Variants in ZYG11B observed in about 807,000 individuals in gnomAD.
ZYG11B encodes protein zyg-11 homolog B.
In ZYG11B, 36 loss-of-function variants were observed where a neutral mutation model predicts 82.4. The observed-to-expected ratio is 0.44, with a 90% CI of 0.33 to 0.58. ZYG11B has a LOEUF of 0.58. Ranked by LOEUF, ZYG11B falls within the 20% of genes least tolerant of loss-of-function variation. The pLI is 0.02. For missense variants in ZYG11B, 552 were observed against 895.6 expected (o/e 0.62, Z 4.90); for synonymous variants, 303 against 312.8 (o/e 0.97, Z 0.33).
In ZYG11B at chr1:52,825,413, C is replaced by A. The variant is rs1645316539; in HGVS notation, c.*3784C>A. Reference sequence around the variant, plus strand: ...TGAGTATAAATATTGCTTCTTGTCACCCTGGGACAGTAATGCCTTATAGTG... The same window carrying A: ...TGAGTATAAATATTGCTTCTTGTCAACCTGGGACAGTAATGCCTTATAGTG... On this transcript the variant is annotated 3_prime_UTR_variant, in exon 14 of 14. Coordinates refer to ENST00000294353, the MANE Select transcript of ZYG11B (RefSeq NM_024646.3). 6.6e-6 allele frequency: 1 copy of A among 152,050 alleles called. No homozygotes were observed. Among genetic ancestry groups the A allele is most frequent in the African/African-American group, 2.4e-5 (1 of 41,388 alleles). 9.4% of individuals were successfully genotyped at this position (152,050 alleles called of 1,614,324 possible). A position where few individuals can be genotyped will look rare whatever the true frequency, so the allele number is the denominator to read the frequency against.
chr1:52,804,653 A>G (rs887879110), intron 10 of ZYG11B, among the ~76,000 whole-genome samples: 1 of 151,956 alleles, frequency 6.6e-6, no homozygotes, highest in African/African-American at 2.4e-5. Flanking sequence ...CAAATCACAT[A>G]TTTCTTAACA....
At chr1:52,802,338 C>CTTTTTTTTT (rs1645082114) in intron 10 of ZYG11B, among the ~76,000 whole-genome samples, 199 bp downstream of exon 10, 1 of 131,854 alleles carries the variant, frequency 7.6e-6, no homozygotes, top group African/African-American at 3.1e-5. Flanking sequence ...CTTTCTTTCT[C>CTTTTTTTTT]TCTTTTTTTT....
chr1:52,785,135 G>C (rs1292668269), intron 5 of ZYG11B, 82 bp downstream of exon 5: 10 of 1,442,918 alleles, frequency 6.9e-6, no homozygotes, highest in Non-Finnish European at 9.3e-6. Flanking sequence ...ATAGACCAAG[G>C]CTGGAAATTC....
At chr1:52,788,660 T>C (rs1447759202) in intron 5 of ZYG11B, among the ~76,000 whole-genome samples, 1 of 151,898 alleles carries the variant, frequency 6.6e-6, no homozygotes, top group Admixed American at 6.6e-5. Context: ...GTGCCAGGAG[T>C]TTGAGGCTGC....
chr1:52,728,495 C>G (rs1644303295), intron 1 of ZYG11B, among the ~76,000 whole-genome samples: 1 of 152,188 alleles, frequency 6.6e-6, no homozygotes, highest in African/African-American at 2.4e-5. Context: ...TGGATTCAAG[C>G]CATCCTCCCA....
intron 1 of ZYG11B, among the ~76,000 whole-genome samples, chr1:52,752,635 C>G (rs1460406550): frequency 2.0e-5 from 3 of 152,130 alleles, no homozygotes; most frequent in African/African-American, 7.2e-5. Context: ...GTTCATTGGT[C>G]AGAAGTACAA....
intron 2 of ZYG11B, among the ~76,000 whole-genome samples, chr1:52,760,919 T>C (rs993555246): frequency 3.8e-4 from 57 of 151,864 alleles, no homozygotes; most frequent in African/African-American, 1.3e-3. Flanking sequence ...CCTGACACTA[T>C]GCACAGCTAA....
At chr1:52,767,556 G>T (rs1644708636) in intron 2 of ZYG11B, among the ~76,000 whole-genome samples, 1 of 152,062 alleles carries the variant, frequency 6.6e-6, no homozygotes, top group Non-Finnish European at 1.5e-5. Context: ...ATCCGCCTCG[G>T]CCTCCCAAAG....
chr1:52,821,791 A>T lies in ZYG11B; in HGVS notation c.*162A>T, dbSNP rs531866169. On this transcript the variant is annotated 3_prime_UTR_variant, in exon 14 of 14. Transcript: ENST00000294353. ...GTACTGCCCATGTGAACAGTCTCTA[A>T]TTTGTCTTGTGATTTTAAACTTATG... 1.4e-4 allele frequency: 74 copies of T among 534,742 alleles called. 1 individual carries two copies. Among genetic ancestry groups the T allele is most frequent in the African/African-American group, 1.3e-3 (67 of 52,384 alleles). The allele number at this position is 534,742 out of a possible 1,614,324, so 33.1% of individuals were successfully genotyped here.
rs1212524091 is a variant in ZYG11B at position 52,803,097 on chromosome 1, T to TATATATATATATATATACAC, written c.1695+959_1695+960insTATATATATATATATACACA. The stretch of plus-strand genomic sequence containing the variant: ...ATATATATATATACACATATATATA[T>TATATATATATATATATACAC]ACATATATATATATATATATACACA... On this transcript the variant is annotated intron_variant, in intron 10 of 13. Transcript: ENST00000294353. Among the ~76,000 whole-genome samples the TATATATATATATATATACAC allele has an allele frequency of 1.1e-4, 5 of 44,850 alleles. 1 individual carries two copies. The highest frequency in any genetic ancestry group is 6.7e-4 in the South Asian group (1 of 1,498). 29.4% of individuals were successfully genotyped at this position (44,850 alleles called of 152,430 possible).
chr1:52,783,602 C>A (rs1020633376), intron 4 of ZYG11B, among the ~76,000 whole-genome samples: 1 of 144,360 alleles, frequency 6.9e-6, no homozygotes, highest in African/African-American at 2.5e-5. Context: ...CTTCAGTTTT[C>A]TTTCTTTCTT....
At chr1:52,783,623 T>C (rs959280345) in intron 4 of ZYG11B, among the ~76,000 whole-genome samples, 9 of 148,668 alleles carry the variant, frequency 6.1e-5, no homozygotes, top group African/African-American at 2.2e-4. Context: ...TTTTTTTTTT[T>C]TTTTCTCTTT....
chr1:52,791,389 A>G (rs2149951683), intron 6 of ZYG11B, among the ~76,000 whole-genome samples: 1 of 150,458 alleles, frequency 6.6e-6, no homozygotes, highest in Admixed American at 6.6e-5. Flanking sequence ...TTTTTTTGAG[A>G]TGGAATTTCA....
chr1:52,796,033 G>A (rs1645003631), intron 6 of ZYG11B, among the ~76,000 whole-genome samples: 1 of 152,172 alleles, frequency 6.6e-6, no homozygotes, highest in Non-Finnish European at 1.5e-5. Context: ...ATAGAAATAT[G>A]TTATAATTCT....
chr1:52,802,983 G>A (rs1645090184), intron 10 of ZYG11B, among the ~76,000 whole-genome samples: 2 of 148,596 alleles, frequency 1.3e-5, no homozygotes, highest in Non-Finnish European at 3.0e-5. Context: ...TCACACCACT[G>A]CACTCCAGCC....
At chr1:52,763,554 A>G (rs979853531) in intron 2 of ZYG11B, among the ~76,000 whole-genome samples, 2 of 151,984 alleles carry the variant, frequency 1.3e-5, no homozygotes, top group Non-Finnish European at 2.9e-5. Flanking sequence ...TGCTGGGCTC[A>G]AGCAATCCTC....
intron 1 of ZYG11B, among the ~76,000 whole-genome samples, chr1:52,727,169 C>T (rs1644293751): frequency 6.6e-6 from 1 of 152,030 alleles, no homozygotes; most frequent in South Asian, 2.1e-4. Context: ...CTTCCATCCA[C>T]GTTTCCTCTT....
chr1:52,811,812 C>CGAGGTCA (rs1225004006), intron 10 of ZYG11B, among the ~76,000 whole-genome samples: 1 of 152,078 alleles, frequency 6.6e-6, no homozygotes, highest in East Asian at 1.9e-4. Flanking sequence ...GGGCGGATCA[C>CGAGGTCA]GAGGTCAGGA....
chr1:52,726,816 C>A, intron 1 of ZYG11B, 133 bp downstream of exon 1: 1 of 827,600 alleles, frequency 1.2e-6, no homozygotes, highest in Non-Finnish European at 1.7e-6. Context: ...CTCTCTCCCT[C>A]GTTACCGCCC....
Sources: allele counts gnomAD v4.1 joint callset (sites outside exome capture counted in the v4.1 genomes callset), GRCh38; gene constraint gnomAD v4.1.1; transcripts MANE v1.5; gene names NCBI Gene and HGNC (gene_info 2026-07-23, HGNC 2026-07-21).